The following ZNF804B variants were observed in gnomAD, a reference collection of about 807,000 sequenced individuals.
ZNF804B encodes the protein zinc finger 804B.
In ZNF804B, 80 loss-of-function variants were observed where a neutral mutation model predicts 101.4. The ratio of observed to expected loss-of-function variants is 0.79; its 90% CI spans 0.66 to 0.95. ZNF804B has a LOEUF of 0.95. Ranked by LOEUF, ZNF804B falls within the 40% of genes least tolerant of loss-of-function variation. The pLI, the probability that ZNF804B is intolerant of heterozygous loss-of-function variation, is 0.00. For synonymous variants in ZNF804B, 622 were observed against 558.8 expected, an observed-to-expected ratio of 1.11 and a Z score of -1.59; for missense variants, 1,673 against 1,561.9, an observed-to-expected ratio of 1.07 and a Z score of -1.20.
At chr7:88,847,951 C>T (rs1791399244) in intron 1 of ZNF804B, among the ~76,000 whole-genome samples, 1 of 152,080 alleles carries the variant, frequency 6.6e-6, no homozygotes, top group South Asian at 2.1e-4. Context: ...AACCATGATT[C>T]ACAGACATGA....
chr7:88,854,527 T>TTTCCTTCCCTTCCCTTCCCTTCCCTTCC lies in ZNF804B; in HGVS notation c.108+94451_108+94452insCTTCCCTTCCCTTCCCTTCCTTCCTTCC, dbSNP rs1791520224. Among the ~76,000 whole-genome samples the TTTCCTTCCCTTCCCTTCCCTTCCCTTCC allele has an allele frequency of 7.2e-4, 29 of 40,076 alleles. 3 individuals carry two copies. Among genetic ancestry groups the TTTCCTTCCCTTCCCTTCCCTTCCCTTCC allele is most frequent in the African/African-American group, 2.9e-3 (28 of 9,626 alleles). 26.3% of individuals were successfully genotyped at this position (40,076 alleles called of 152,430 possible). The stretch of plus-strand genomic sequence containing the variant: ...CTTTCCTTTCCTTTCCTTTCCTTCC[T>TTTCCTTCCCTTCCCTTCCCTTCCCTTCC]TTCCTTCCTTCCTTCCTTCCTTCCT... On this transcript the variant is annotated intron_variant, in intron 1 of 3. Transcript: ENST00000333190.
At chr7:89,150,353 T>A (rs1790854829) in intron 1 of ZNF804B, among the ~76,000 whole-genome samples, 1 of 152,100 alleles carries the variant, frequency 6.6e-6, no homozygotes, top group South Asian at 2.1e-4. Flanking sequence ...CCTGATGCTA[T>A]GTTGAGGCCC....
chr7:88,767,225 G>A (rs1305630239), intron 1 of ZNF804B, among the ~76,000 whole-genome samples: 1 of 152,078 alleles, frequency 6.6e-6, no homozygotes, highest in Non-Finnish European at 1.5e-5. Context: ...TTTCTCCCCT[G>A]TTCACCATCC....
chr7:89,268,451 A>G (rs1446181515), intron 2 of ZNF804B, among the ~76,000 whole-genome samples: 1 of 152,068 alleles, frequency 6.6e-6, no homozygotes, highest in Non-Finnish European at 1.5e-5. Context: ...CTTTCCAACA[A>G]CATTGCAAAC....
chr7:88,899,642 A>G (rs1792359028), intron 1 of ZNF804B, among the ~76,000 whole-genome samples: 1 of 152,168 alleles, frequency 6.6e-6, no homozygotes, highest in Admixed American at 6.5e-5. Flanking sequence ...TTTGTTTAAA[A>G]GCCCTTTTTT....
At chr7:88,994,593 G>T (rs1293041099) in intron 1 of ZNF804B, among the ~76,000 whole-genome samples, 1 of 151,900 alleles carries the variant, frequency 6.6e-6, no homozygotes, top group Admixed American at 6.6e-5. Flanking sequence ...ATATATTCAG[G>T]TTATATCCAA....
intron 1 of ZNF804B, among the ~76,000 whole-genome samples, chr7:88,845,967 AAG>A (rs1337078131): frequency 2.0e-5 from 3 of 152,222 alleles, no homozygotes; most frequent in Non-Finnish European, 4.4e-5. Context: ...AAAGGGGAGA[AAG>A]AGAGAAATCA....
At chr7:89,229,032 G>A (rs1000764196) in intron 2 of ZNF804B, among the ~76,000 whole-genome samples, 3 of 152,160 alleles carry the variant, frequency 2.0e-5, no homozygotes, top group African/African-American at 4.8e-5. Flanking sequence ...TGTGGGGCCC[G>A]CGGAGCCCAC....
chr7:88,895,417 T>C (rs775649959), intron 1 of ZNF804B, among the ~76,000 whole-genome samples: 18 of 152,222 alleles, frequency 1.2e-4, no homozygotes, highest in Non-Finnish European at 2.2e-4. Context: ...CTTAATTAGA[T>C]ACTGATAGAT....
intron 1 of ZNF804B, among the ~76,000 whole-genome samples, chr7:89,048,920 T>A (rs1789155409): frequency 6.6e-6 from 1 of 151,882 alleles, no homozygotes; most frequent in Admixed American, 6.6e-5. Flanking sequence ...AATATGGAAT[T>A]TGTATGACAA....
At chr7:88,830,852 C>T (rs897401184) in intron 1 of ZNF804B, among the ~76,000 whole-genome samples, 2 of 151,834 alleles carry the variant, frequency 1.3e-5, no homozygotes, top group Non-Finnish European at 2.9e-5. Flanking sequence ...AGTTTAATTA[C>T]AATTTTTATA....
rs1466923873 is a variant in ZNF804B, at chr7:88,978,492, T to C, written c.108+218408T>C. On this transcript the variant is annotated intron_variant, in intron 1 of 3. Transcript: ENST00000333190. The stretch of plus-strand genomic sequence containing the variant: ...TCTTTATCTCTTCTTACAGTTTTTG[T>C]CTTGAAATCTATTTTTTTCTAATAT... 2.6e-5 allele frequency among the ~76,000 whole-genome samples: 4 copies of C among 151,880 alleles called. No individual in the cohort carries two copies. In the South Asian group the frequency reaches 6.2e-4, roughly 24 times the overall value.
chr7:89,031,482 CAAAT>C (rs1487505272), intron 1 of ZNF804B, among the ~76,000 whole-genome samples: 3 of 151,864 alleles, frequency 2.0e-5, no homozygotes, highest in Non-Finnish European at 4.4e-5. Context: ...AGGTAGAAGA[CAAAT>C]AAAATTTTGT....
chr7:88,931,559 A>G (rs956989704), intron 1 of ZNF804B, among the ~76,000 whole-genome samples: 5 of 151,914 alleles, frequency 3.3e-5, no homozygotes, highest in Non-Finnish European at 7.4e-5. Context: ...AGAAAAACTG[A>G]TAAGGGATAA....
At chr7:88,779,035 T>C (rs1295256605) in intron 1 of ZNF804B, among the ~76,000 whole-genome samples, 1 of 152,206 alleles carries the variant, frequency 6.6e-6, no homozygotes, top group Non-Finnish European at 1.5e-5. Flanking sequence ...TCAAAGTAAG[T>C]ACTTTTTGTG....
At chr7:89,107,118 C>G (rs992867698) in intron 1 of ZNF804B, among the ~76,000 whole-genome samples, 1 of 151,858 alleles carries the variant, frequency 6.6e-6, no homozygotes, top group African/African-American at 2.4e-5. Context: ...TGGAAATTGC[C>G]CTGGTAGTTT....
chr7:89,220,781 C>T (rs377651546), intron 2 of ZNF804B, among the ~76,000 whole-genome samples: 1 of 151,910 alleles, frequency 6.6e-6, no homozygotes, highest in Non-Finnish European at 1.5e-5. Flanking sequence ...AATATCCACA[C>T]TTTTGGTTGG....
Position 89,131,566 on chromosome 7 carries a change from C to T in ZNF804B, c.109-86589C>T, listed in dbSNP as rs145697637. ...AGATGGGTGAAGGAAATGCACAACA[C>T]CAAATTTGCAACATAGACTCATTTG... On this transcript the variant is annotated intron_variant, in intron 1 of 3. Transcript: ENST00000333190. 1.1e-3 allele frequency among the ~76,000 whole-genome samples: 164 copies of T among 151,964 alleles called. 1 individual carries two copies. Among genetic ancestry groups the T allele is most frequent in the African/African-American group, 3.6e-3 (150 of 41,494 alleles).
At chr7:89,105,155 A>G (rs754094242) in intron 1 of ZNF804B, among the ~76,000 whole-genome samples, 1 of 152,042 alleles carries the variant, frequency 6.6e-6, no homozygotes, top group Non-Finnish European at 1.5e-5. Context: ...TTGTCTCTGT[A>G]TAATTCTGCC....
Sources: allele counts gnomAD v4.1 joint callset (sites outside exome capture counted in the v4.1 genomes callset), GRCh38; gene constraint gnomAD v4.1.1; transcripts MANE v1.5; gene names NCBI Gene and HGNC (gene_info 2026-07-23, HGNC 2026-07-21).